SLCO1A2: variants seen among roughly 807,000 people sequenced by gnomAD.
SLCO1A2 encodes the protein OATP-1.
A neutral mutation model predicts 69.0 loss-of-function variants in SLCO1A2; 67 were observed. The ratio of observed to expected loss-of-function variants is 0.97; its 90% confidence interval spans 0.80 to 1.19. The LOEUF (loss-of-function observed/expected upper bound fraction) is 1.19, where lower values mean the gene tolerates loss of function less well. Among genes scored for constraint, SLCO1A2 ranks in the 50% most tolerant of loss-of-function variants. SLCO1A2 has a pLI of 0.00. For synonymous variants in SLCO1A2, 260 were observed against 265.9 expected (o/e 0.98, Z 0.22); for missense variants, 787 against 793.7 (o/e 0.99, Z 0.10).
chr12:21,371,840 T>C (rs1165293963), intron 2 of SLCO1A2, among the ~76,000 whole-genome samples: 1 of 151,828 alleles, frequency 6.6e-6, no homozygotes, highest in Non-Finnish European at 1.5e-5. Context: ...CCGTCTCCAC[T>C]AAAAATACAA....
chr12:21,411,319 A>G lies in SLCO1A2; in HGVS notation c.-312+6563T>C, dbSNP rs183821898. 3.3e-5 allele frequency among the ~76,000 whole-genome samples: 5 copies of G among 152,286 alleles called. No homozygotes were observed. In the East Asian group the frequency reaches 9.6e-4, roughly 29 times the overall value. On this transcript the variant is annotated intron_variant, in intron 1 of 4. Transcript: ENST00000413682. ...TTTTTTGTATATGATATGAAATAGAAATTCAATATTATCTTTTTCCATATA... is the reference window on the plus strand; with the variant it reads ...TTTTTTGTATATGATATGAAATAGAGATTCAATATTATCTTTTTCCATATA...
chr12:21,327,868 C>T (rs562439871), intron 2 of SLCO1A2, among the ~76,000 whole-genome samples: 61 of 152,028 alleles, frequency 4.0e-4, no homozygotes, highest in Middle Eastern at 3.4e-3. Flanking sequence ...TTGAAATGTG[C>T]GGACATGAGA....
chr12:21,414,469 G>A (rs1041485683), intron 1 of SLCO1A2, among the ~76,000 whole-genome samples: 4 of 151,702 alleles, frequency 2.6e-5, no homozygotes, highest in East Asian at 1.9e-4. Context: ...GTGGAATTTC[G>A]TATTTATGTT....
chr12:21,409,746 G>A (rs1051380021), intron 1 of SLCO1A2, among the ~76,000 whole-genome samples: 3 of 152,144 alleles, frequency 2.0e-5, no homozygotes, highest in East Asian at 1.9e-4. Context: ...CAACCTCTGA[G>A]ATCACAGTCG....
intron 2 of SLCO1A2, among the ~76,000 whole-genome samples, chr12:21,362,377 C>A (rs1282795938): frequency 6.6e-6 from 1 of 152,164 alleles, no homozygotes; most frequent in African/African-American, 2.4e-5. Flanking sequence ...CCATGCCTGA[C>A]TTACAAGAGC....
At chr12:21,344,031 A>G (rs536218556) in intron 2 of SLCO1A2, among the ~76,000 whole-genome samples, 2 of 152,258 alleles carry the variant, frequency 1.3e-5, no homozygotes, top group Admixed American at 1.3e-4. Context: ...TTTAAATATG[A>G]TAAAATTACT....
chr12:21,336,744 G>A (rs1038766806), upstream of SLCO1A2, among the ~76,000 whole-genome samples: 3 of 151,922 alleles, frequency 2.0e-5, no homozygotes, highest in Non-Finnish European at 4.4e-5. Context: ...AGGAAATTCC[G>A]TGTGCCGTCT....
At chr12:21,403,686 A>G (rs929513855) in intron 1 of SLCO1A2, 7 of 141,046 alleles carry the variant, frequency 5.0e-5, no homozygotes, top group Non-Finnish European at 1.1e-4. Flanking sequence ...TACTGTACTC[A>G]CTTGGAACCA....
At chr12:21,389,639 A>C (rs996876455) in intron 1 of SLCO1A2, among the ~76,000 whole-genome samples, 6 of 152,044 alleles carry the variant, frequency 3.9e-5, no homozygotes, top group Non-Finnish European at 7.4e-5. Flanking sequence ...TTTTGACATG[A>C]CATTATAGTT....
At chr12:21,382,933 C>T (rs942749966) in intron 1 of SLCO1A2, among the ~76,000 whole-genome samples, 2 of 152,084 alleles carry the variant, frequency 1.3e-5, no homozygotes, top group African/African-American at 4.8e-5. Context: ...AATTTCTCTA[C>T]ATCATGTCCA....
chr12:21,288,864 TTTAC>T (rs1198272289), intron 12 of SLCO1A2, among the ~76,000 whole-genome samples: 2 of 151,556 alleles, frequency 1.3e-5, no homozygotes, highest in Non-Finnish European at 2.9e-5. Flanking sequence ...AAATCTAATT[TTTAC>T]TTCTGATTTA....
intron 2 of SLCO1A2, among the ~76,000 whole-genome samples, chr12:21,324,145 C>G (rs1264227373): frequency 6.6e-6 from 1 of 152,110 alleles, no homozygotes; most frequent in African/African-American, 2.4e-5. Context: ...AGGGATTCAA[C>G]TAAAAATGTA....
intron 2 of SLCO1A2, among the ~76,000 whole-genome samples, chr12:21,350,335 AAAAG>A (rs1937834605): frequency 6.6e-6 from 1 of 152,136 alleles, no homozygotes; most frequent in Admixed American, 6.6e-5. Flanking sequence ...AGTACAAAAA[AAAAG>A]AGAGAAAAAA....
rs11568572 is a variant in SLCO1A2, at chr12:21,334,597, G to A, written c.51C>T (p.Ser17=). Residue 17 remains serine (S), a synonymous_variant, in exon 2 of 15, where the codon TCC becomes TCT. Transcript: ENST00000683939. ...TACAAAAATTCCATACCTTCAACTTGGAAAGACATCTTATTCTATGGGTTT... is the reference window on the plus strand; with the variant it reads ...TACAAAAATTCCATACCTTCAACTTAGAAAGACATCTTATTCTATGGGTTT... ...RIETHRIRCL[S]KLKMFLLAIT... 44 of 1,608,784 alleles carry A rather than the reference G, an allele frequency of 2.7e-5. No homozygotes were observed. The East Asian group carries it at 9.6e-4, about 35-fold the overall frequency.
chr12:21,401,412 A>G (rs1265481959), intron 1 of SLCO1A2, among the ~76,000 whole-genome samples: 1 of 151,892 alleles, frequency 6.6e-6, no homozygotes, highest in African/African-American at 2.4e-5. Flanking sequence ...GTGCAACTGT[A>G]TGAAGAAGAA....
At chr12:21,369,036 T>C (rs1203241400) in intron 2 of SLCO1A2, among the ~76,000 whole-genome samples, 1 of 152,134 alleles carries the variant, frequency 6.6e-6, no homozygotes, top group Non-Finnish European at 1.5e-5. Flanking sequence ...GCAAAATTTA[T>C]GGGTGGGCAG....
At chr12:21,330,703 C>G (rs11832186) in intron 2 of SLCO1A2, among the ~76,000 whole-genome samples, 8,577 of 152,168 alleles carry the variant, frequency 0.056, 776 homozygotes, top group African/African-American at 0.19. Flanking sequence ...TTAAGAGTAA[C>G]TCAACATTTT....
chr12:21,295,569 T>G, intron 10 of SLCO1A2, 28 bp downstream of exon 10: 1 of 1,365,526 alleles, frequency 7.3e-7, no homozygotes, highest in Middle Eastern at 1.9e-4. Context: ...TGTTGAAAGA[T>G]TCTCACATTC....
At chr12:21,379,834 G>T (rs1940475158) in intron 1 of SLCO1A2, 1 of 152,162 alleles carries the variant, frequency 6.6e-6, no homozygotes, top group Non-Finnish European at 1.5e-5. Context: ...TATGAAGTGT[G>T]CCTTAGGTTA....
Sources: allele counts gnomAD v4.1 joint callset (sites outside exome capture counted in the v4.1 genomes callset), GRCh38; gene constraint gnomAD v4.1.1; transcripts MANE v1.5; gene names NCBI Gene and HGNC (gene_info 2026-07-23, HGNC 2026-07-21).